Variants in NBL1 observed in about 807,000 individuals in gnomAD.
NBL1 encodes neuroblastoma suppressor of tumorigenicity 1.
Under a neutral mutation model 16.0 loss-of-function variants are expected in NBL1, and 9 were observed. The observed-to-expected ratio is 0.56, with a 90% CI of 0.34 to 0.98. NBL1 has a LOEUF of 0.98. Among genes scored for constraint, NBL1 ranks in the 50% least tolerant of loss-of-function variants. The pLI, the probability that NBL1 is intolerant of heterozygous loss-of-function variation, is 0.02. For synonymous variants in NBL1, 86 were observed against 100.7 expected (o/e 0.85, Z 0.87); for missense variants, 196 against 243.1 (o/e 0.81, Z 1.29).
At chr1:19,645,722 C>T (rs2094975052) in intron 1 of NBL1, 8 of 1,331,318 alleles carry the variant, frequency 6.0e-6, no homozygotes, top group Non-Finnish European at 6.8e-6. Flanking sequence ...TGACCCCTAC[C>T]CCTCTCCACC....
chr1:19,644,287 C>T (rs2094963941), upstream of NBL1: 3 of 979,452 alleles, frequency 3.1e-6, no homozygotes, highest in Non-Finnish European at 3.6e-6. The surrounding 1 kb of genome is among the most constrained non-coding windows in gnomAD (Gnocchi z 4.6). Context: ...GCCGCTCCCC[C>T]GCGCCGCGCG....
intron 1 of NBL1, among the ~76,000 whole-genome samples, chr1:19,648,704 C>T (rs922924468): frequency 4.4e-5 from 6 of 135,244 alleles, no homozygotes; most frequent in African/African-American, 1.7e-4. Context: ...TCTGTGTGGG[C>T]GGCAGCTCAG....
intron 1 of NBL1, among the ~76,000 whole-genome samples, chr1:19,647,858 TGTGTGTGC>T (rs1188403657): frequency 4.1e-4 from 57 of 137,964 alleles, no homozygotes; most frequent in African/African-American, 6.6e-4. Context: ...CTGGTGTGTG[TGTGTGTGC>T]GTGTGTGTGT....
intron 1 of NBL1, among the ~76,000 whole-genome samples, chr1:19,649,026 G>T (rs1570552781): frequency 1.3e-5 from 2 of 152,168 alleles, no homozygotes; most frequent in African/African-American, 4.8e-5. Context: ...GAGAGGCGCA[G>T]TCGGCTGGGG....
At chr1:19,652,877 A>G (rs1159966020) in intron 1 of NBL1, among the ~76,000 whole-genome samples, 3 of 152,092 alleles carry the variant, frequency 2.0e-5, no homozygotes, top group Non-Finnish European at 4.4e-5. Flanking sequence ...AATTCCAGCT[A>G]TTCTGGAGGC....
chr1:19,656,838 G>A (rs1265372926), intron 3 of NBL1, 28 bp from the exon 4 acceptor site: 1 of 1,589,992 alleles, frequency 6.3e-7, no homozygotes, highest in Non-Finnish European at 8.6e-7. Flanking sequence ...TTGGGAACAT[G>A]CCTCTGCTTC....
At position 19,656,871 on chromosome 1, in the gene NBL1, G is replaced by A. The variant is rs143151300; in HGVS notation, c.288G>A (p.Thr96=). 2.6e-5 allele frequency: 42 copies of A among 1,609,926 alleles called. No homozygotes were observed. In the South Asian group the frequency reaches 3.0e-4, roughly 11 times the overall value. Residue 96 remains threonine (T), a synonymous_variant, in exon 4 of 4, where the codon ACG becomes ACA. Coordinates refer to ENST00000375136, the MANE Select transcript of NBL1 (RefSeq NM_005380.8). ...MPAQSMWEIV[T]LECPGHEEVP... is the part of the protein sequence containing the mutation. ...TTCTCTCTTGCCCTCTGCAGGTGAC[G>A]CTGGAGTGCCCGGGCCACGAGGAGG...
chr1:19,644,132 G>A (rs1005829208), upstream of NBL1: 33 of 977,984 alleles, frequency 3.4e-5, no homozygotes, highest in Non-Finnish European at 1.1e-5. The surrounding 1 kb of genome is among the most constrained non-coding windows in gnomAD (Gnocchi z 4.6). Flanking sequence ...GCCAGGAGAG[G>A]GCCCGGGGCC....
intron 1 of NBL1, among the ~76,000 whole-genome samples, chr1:19,647,155 T>G (rs1336159854): frequency 1.3e-5 from 2 of 152,160 alleles, no homozygotes; most frequent in African/African-American, 2.4e-5. Flanking sequence ...ATGAGGAAAC[T>G]GAGGTACAGA....
intron 3 of NBL1, among the ~76,000 whole-genome samples, chr1:19,656,375 T>C (rs115999325): frequency 0.014 from 1,180 of 83,486 alleles, 15 homozygotes; most frequent in African/African-American, 0.053. Context: ...AGGCGCAGTT[T>C]AGGGCATGTG....
chr1:19,643,531 G>A (rs897786092), upstream of NBL1: 3 of 1,469,916 alleles, frequency 2.0e-6, no homozygotes, highest in Non-Finnish European at 2.7e-6. This position sits in a 1 kb window ranked among gnomAD's most constrained non-coding sequence, Gnocchi z 4.7. Context: ...AGGTACGGCC[G>A]CAATCCACCC....
chr1:19,647,509 TGGA>T lies in NBL1; in HGVS notation c.-20+3071_-20+3073del, dbSNP rs1216379078. ...CCCAGTCTGTCATAATTGTGGAGAATGGAGGAGGAGAGCCAGACCCTGCCCTTA... is the reference window on the plus strand; with the variant it reads ...CCCAGTCTGTCATAATTGTGGAGAATGGAGGAGAGCCAGACCCTGCCCTTA... On this transcript the variant is annotated intron_variant, in intron 1 of 3. Coordinates refer to ENST00000375136, the MANE Select transcript of NBL1 (RefSeq NM_005380.8). 10 of 527,992 alleles carry T rather than the reference TGGA, an allele frequency of 1.9e-5. No homozygotes were observed. In the South Asian group the frequency reaches 5.9e-4, roughly 31 times the overall value. 32.7% of individuals were successfully genotyped at this position (527,992 alleles called of 1,614,324 possible). A position where few individuals can be genotyped will look rare whatever the true frequency, so the allele number is the denominator to read the frequency against.
chr1:19,644,293 G>A (rs1193853130), upstream of NBL1: 4 of 979,634 alleles, frequency 4.1e-6, no homozygotes, highest in Non-Finnish European at 4.8e-6. The surrounding 1 kb of genome is among the most constrained non-coding windows in gnomAD (Gnocchi z 4.6). Context: ...CCCCCGCGCC[G>A]CGCGCCCGCC....
chr1:19,656,918 T>C lies in NBL1; in HGVS notation c.335T>C (p.Val112Ala), dbSNP rs1048777651. The C allele has an allele frequency of 6.2e-7, 1 of 1,613,062 alleles. No homozygotes were observed. The highest frequency in any genetic ancestry group is 1.3e-5 in the African/African-American group (1 of 74,794). The change falls in exon 4 of 4, where the codon GTG becomes GCG. Residue 112 changes from valine (V) to alanine (A), a missense_variant. Val to Ala is a moderately conservative substitution (Grantham distance 64, BLOSUM62 0). Transcript: ENST00000375136. ...HEEVPRVDKL[V>A]EKILHCSCQA... ...GAGGTGCCCAGGGTGGACAAGCTGG[T>C]GGAGAAGATCCTGCACTGTAGCTGC...
Position 19,650,355 on chromosome 1 carries a change from G to A in NBL1, c.-19-4657G>A, listed in dbSNP as rs181172691. 3.9e-4 allele frequency among the ~76,000 whole-genome samples: 59 copies of A among 152,324 alleles called. No homozygotes were observed. The East Asian group carries it at 0.011, about 28-fold the overall frequency. On this transcript the variant is annotated intron_variant, in intron 1 of 3. Coordinates refer to ENST00000375136, the MANE Select transcript of NBL1 (RefSeq NM_005380.8). ...TCCCTCCTGAGAGCCATCTCTGACT[G>A]TGCCAACTCAAAACAACTGCCCCCT...
At chr1:19,644,089 G>C, upstream of NBL1, 3 of 974,064 alleles carry the variant, frequency 3.1e-6, no homozygotes, top group South Asian at 4.7e-5. This position sits in a 1 kb window ranked among gnomAD's most constrained non-coding sequence, Gnocchi z 4.6. Context: ...CCACGCCGTC[G>C]GAGCGCGCCG....
intron 1 of NBL1, among the ~76,000 whole-genome samples, chr1:19,654,409 C>A (rs979851940): frequency 6.6e-6 from 1 of 152,146 alleles, no homozygotes; most frequent in Non-Finnish European, 1.5e-5. Flanking sequence ...TCTCAAAAAA[C>A]AAAACCAAAA....
upstream of NBL1, chr1:19,644,044 C>A (rs2094962137): frequency 1.0e-6 from 1 of 980,454 alleles, no homozygotes; most frequent in African/African-American, 1.8e-5. This position sits in a 1 kb window ranked among gnomAD's most constrained non-coding sequence, Gnocchi z 4.6. Context: ...GCTGCCCTGC[C>A]TCTCGGGCGC....
chr1:19,645,508 AGG>A, intron 1 of NBL1: 1 of 1,000,180 alleles, frequency 1.0e-6, no homozygotes, highest in Non-Finnish European at 1.2e-6. Context: ...GCCTGTAACT[AGG>A]GGCACCCCAG....
Sources: gnomAD v4.1 joint callset for allele counts (sites outside exome capture counted in the v4.1 genomes callset) on GRCh38, gnomAD v4.1.1 for gene constraint, Gnocchi (gnomAD v3.1) non-coding constraint, MANE v1.5 for transcripts, NCBI Gene and HGNC (gene_info 2026-07-23, HGNC 2026-07-21) for gene names.